Variants in TKT observed in about 807,000 individuals in gnomAD.
TKT encodes transketolase.
TKT carries 47 observed loss-of-function variants against 63.9 expected under a neutral mutation model. That is an observed-to-expected ratio of 0.74 (90% CI 0.58 to 0.94). TKT has a LOEUF of 0.94. Among genes scored for constraint, TKT ranks in the 40% least tolerant of loss-of-function variants. TKT has a pLI of 0.00. For synonymous variants in TKT, 338 were observed against 334.1 expected (o/e 1.01, Z -0.13); for missense variants, 721 against 846.2 (o/e 0.85, Z 1.84).
chr3:53,230,348 G>C, intron 8 of TKT, 109 bp downstream of exon 8: 1 of 1,411,720 alleles, frequency 7.1e-7, no homozygotes. Context: ...TAGTCTCCCT[G>C]GGCTGGCCTA....
intron 6 of TKT, chr3:53,232,329 C>T: frequency 2.5e-6 from 1 of 399,172 alleles, no homozygotes. Context: ...GACATCCACC[C>T]CCTCCCAGAC....
chr3:53,240,945 C>CT (rs1324177271), intron 3 of TKT, among the ~76,000 whole-genome samples, 187 bp downstream of exon 3: 7 of 152,228 alleles, frequency 4.6e-5, no homozygotes, highest in African/African-American at 1.4e-4. Flanking sequence ...AGGCCTTCCC[C>CT]TTTGGCACCA....
chr3:53,242,357 G>A, intron 1 of TKT, 115 bp from the exon 2 acceptor site: 1 of 989,594 alleles, frequency 1.0e-6, no homozygotes, highest in South Asian at 1.3e-5. Context: ...CACAGGCCTG[G>A]CTTATCAGAC....
Position 53,251,699 on chromosome 3 carries a change from A to G in TKT, c.107+4137T>C, listed in dbSNP as rs537311161. Among the ~76,000 whole-genome samples, 6 of 152,338 alleles carry G rather than the reference A, an allele frequency of 3.9e-5. No homozygotes were observed. The East Asian group carries it at 1.2e-3, about 29-fold the overall frequency. ...AGATTGGACCAAAGCTAGACATGGT[A>G]GCACATGTCTGTGGTCCCAGCTACC... On this transcript the variant is annotated intron_variant, in intron 1 of 13. Coordinates refer to ENST00000462138, the MANE Select transcript of TKT (RefSeq NM_001064.4).
At chr3:53,240,817 C>T (rs1330660630) in intron 3 of TKT, among the ~76,000 whole-genome samples, 1 of 152,198 alleles carries the variant, frequency 6.6e-6, no homozygotes, top group Non-Finnish European at 1.5e-5. Flanking sequence ...ACTCCCTTAT[C>T]GAGTCCCCTC....
At chr3:53,229,570 C>G (rs1704655208) in intron 8 of TKT, 134 bp from the exon 9 acceptor site, 1 of 1,024,626 alleles carries the variant, frequency 9.8e-7, no homozygotes, top group Admixed American at 2.3e-5. Context: ...GAATATGTCC[C>G]CCACCACCTT....
chr3:53,232,030 G>A (rs145111431), intron 6 of TKT: 17 of 291,712 alleles, frequency 5.8e-5, no homozygotes, highest in Non-Finnish European at 1.0e-4. Context: ...ATGCATCTGT[G>A]AGCAGCAGAG....
intron 8 of TKT, among the ~76,000 whole-genome samples, chr3:53,229,783 C>T (rs1704663218): frequency 6.6e-6 from 1 of 152,258 alleles, no homozygotes; most frequent in African/African-American, 2.4e-5. Context: ...ACCTCCCCAG[C>T]CCCACGCCCT....
chr3:53,233,214 CT>C lies in TKT; in HGVS notation c.689del (p.Gln230ArgfsTer22). ...SVEELCKAFG[Q>X]AKHQPTAIIA... ...TGATGGCTGTTGGCTGGTGCTTGGC[CT>C]GGCCAAAGGCCTTGCACAGCTCCTC... On this transcript the variant is annotated frameshift_variant, in exon 6 of 14. Transcript: ENST00000462138. LOFTEE classifies it high-confidence loss of function. 2.5e-6 allele frequency: 4 copies of C among 1,613,936 alleles called. No individual in the cohort carries two copies. The highest frequency in any genetic ancestry group is 3.4e-6 in the Non-Finnish European group (4 of 1,179,940).
chr3:53,237,909 A>G (rs1028210987), intron 4 of TKT: 1 of 152,226 alleles, frequency 6.6e-6, no homozygotes, highest in Non-Finnish European at 1.5e-5. Flanking sequence ...TGGGTGACAG[A>G]GCGAGACTCC....
chr3:53,238,695 C>A (rs897087959), intron 4 of TKT, among the ~76,000 whole-genome samples: 6 of 152,214 alleles, frequency 3.9e-5, no homozygotes, highest in African/African-American at 1.4e-4. Context: ...CAGGACTCCC[C>A]GAGCTCCTGT....
intron 1 of TKT, among the ~76,000 whole-genome samples, chr3:53,250,189 T>C (rs905844874): frequency 6.6e-6 from 1 of 152,176 alleles, no homozygotes; most frequent in Non-Finnish European, 1.5e-5. Context: ...TCAACGGTCA[T>C]GCTCTTGCCT....
In TKT at chr3:53,229,094, CAT is replaced by C; in HGVS notation, c.1306_1307del (p.Met436ValfsTer14). On this transcript the variant is annotated frameshift_variant, in exon 10 of 14. Transcript: ENST00000462138. LOFTEE classifies it high-confidence loss of function. ...PSQMALEDLA[M>X]FRSVPTSTVF... ...CAGTTGATGTGGGGACTGACCGAAA[CAT>C]AGCCAGATCTTCTAGGGCCATCTGG... is the stretch of plus-strand genomic sequence containing the variant. The C allele has an allele frequency of 6.2e-7, 1 of 1,614,190 alleles. No homozygotes were observed. Among genetic ancestry groups the C allele is most frequent in the Non-Finnish European group, 8.5e-7 (1 of 1,180,026 alleles).
chr3:53,253,300 T>C (rs1012279234), intron 1 of TKT, among the ~76,000 whole-genome samples: 16 of 151,634 alleles, frequency 1.1e-4, no homozygotes, highest in African/African-American at 2.2e-4. Context: ...CTTTCTTTCT[T>C]TCTCTCTCTC....
At chr3:53,232,963 G>A in intron 6 of TKT, 193 bp downstream of exon 6, 1 of 577,318 alleles carries the variant, frequency 1.7e-6, no homozygotes, top group South Asian at 2.1e-5. Flanking sequence ...GCAGAGGCCA[G>A]ACGGATCTGA....
intron 1 of TKT, among the ~76,000 whole-genome samples, chr3:53,252,390 T>C (rs1705788548): frequency 3.3e-5 from 5 of 152,246 alleles, no homozygotes; most frequent in Admixed American, 6.5e-5. Context: ...ACACATACTC[T>C]TGGCTCACAA....
chr3:53,232,669 C>T (rs1003956331), intron 6 of TKT: 2 of 397,938 alleles, frequency 5.0e-6, no homozygotes, highest in Non-Finnish European at 8.8e-6. Context: ...AGGTTCCAAA[C>T]CCCCCAAGGC....
In TKT at chr3:53,251,015, C is replaced by G. The variant is rs189142895; in HGVS notation, c.107+4821G>C. On this transcript the variant is annotated intron_variant, in intron 1 of 13. Transcript: ENST00000462138. Reference sequence around the variant, plus strand: ...TGAACTCCCAGGCTCAAGCAATCCTCCCACCCTGGCCTCCCAAAGTGCTGT... The same window carrying G: ...TGAACTCCCAGGCTCAAGCAATCCTGCCACCCTGGCCTCCCAAAGTGCTGT... 6.6e-3 allele frequency among the ~76,000 whole-genome samples: 1,006 copies of G among 152,234 alleles called. 59 individuals carry two copies. In the South Asian group the frequency reaches 0.13, roughly 20 times the overall value.
intron 1 of TKT, among the ~76,000 whole-genome samples, chr3:53,246,540 A>T (rs1219179155): frequency 6.6e-6 from 1 of 152,152 alleles, no homozygotes; most frequent in Non-Finnish European, 1.5e-5. Context: ...ATTTATGTAC[A>T]AGTCTTTTTG....
Sources: gnomAD v4.1 joint callset for allele counts (sites outside exome capture counted in the v4.1 genomes callset) on GRCh38, gnomAD v4.1.1 for gene constraint, MANE v1.5 for transcripts, NCBI Gene and HGNC (gene_info 2026-07-23, HGNC 2026-07-21) for gene names.